The following CD96 variants were observed in gnomAD, a reference collection of about 807,000 sequenced individuals.
The protein encoded by CD96 is CD96 molecule, also known as T-cell surface protein tactile.
CD96 carries 70 observed loss-of-function variants against 71.3 expected under a neutral mutation model. The ratio of observed to expected loss-of-function variants is 0.98; its 90% CI spans 0.81 to 1.20. The LOEUF is 1.20. Ranked by LOEUF, CD96 falls within the 50% of genes most tolerant of loss-of-function variation. The pLI, the probability that CD96 is intolerant of heterozygous loss-of-function variation, is 0.00. For synonymous variants in CD96, 248 were observed against 233.0 expected, an observed-to-expected ratio of 1.06 and a Z score of -0.59; for missense variants, 742 against 677.5, an observed-to-expected ratio of 1.10 and a Z score of -1.06.
chr3:111,566,426 C>T (rs1287093394), intron 2 of CD96, among the ~76,000 whole-genome samples: 2 of 152,078 alleles, frequency 1.3e-5, no homozygotes, highest in Non-Finnish European at 2.9e-5. Context: ...GATAAAATGA[C>T]ATGAAGCCCC....
chr3:111,649,004 G>A (rs964586820), intron 13 of CD96, among the ~76,000 whole-genome samples: 1 of 152,148 alleles, frequency 6.6e-6, no homozygotes, highest in Non-Finnish European at 1.5e-5. Flanking sequence ...AAACAAAAGG[G>A]ATTTAGGCAT....
intron 10 of CD96, among the ~76,000 whole-genome samples, chr3:111,628,498 A>G (rs2107726595): frequency 6.6e-6 from 1 of 152,338 alleles, no homozygotes; most frequent in South Asian, 2.1e-4. Flanking sequence ...AAAAAAATGA[A>G]CAAAACATTT....
intron 5 of CD96, among the ~76,000 whole-genome samples, chr3:111,592,595 TTTC>T (rs1285737165): frequency 2.0e-5 from 3 of 152,298 alleles, no homozygotes; most frequent in South Asian, 4.1e-4. Context: ...CATCTTTGCA[TTTC>T]TTCTCTATCC....
In CD96 at chr3:111,593,689, C is replaced by G. The variant is rs776869952; in HGVS notation, c.808-4431C>G. Reference sequence around the variant, plus strand: ...CTCGCTCCCTTTTTTCCACAGCCCTCTCCCGCCATTCCACTGCCCTTTCCC... The same window carrying G: ...CTCGCTCCCTTTTTTCCACAGCCCTGTCCCGCCATTCCACTGCCCTTTCCC... On this transcript the variant is annotated intron_variant, in intron 5 of 13. Coordinates refer to ENST00000352690, the MANE Select transcript of CD96 (RefSeq NM_005816.5). 6.8e-6 allele frequency: 11 copies of G among 1,613,602 alleles called. No homozygotes were observed. The highest frequency in any genetic ancestry group is 9.3e-6 in the Non-Finnish European group (11 of 1,179,696).
chr3:111,658,058 A>C (rs939661873), intron 14 of CD96, among the ~76,000 whole-genome samples: 1 of 152,236 alleles, frequency 6.6e-6, no homozygotes, highest in African/African-American at 2.4e-5. Flanking sequence ...TCTTCAGTAT[A>C]ATTTCCTGCT....
At chr3:111,560,193 A>G (rs1935313012) in intron 2 of CD96, among the ~76,000 whole-genome samples, 1 of 151,756 alleles carries the variant, frequency 6.6e-6, no homozygotes, top group African/African-American at 2.4e-5. Flanking sequence ...TAATTGGAGA[A>G]TTTAGTCCAT....
intron 3 of CD96, among the ~76,000 whole-genome samples, chr3:111,568,332 T>C (rs1935820967): frequency 6.6e-6 from 1 of 152,152 alleles, no homozygotes. Context: ...GTCTATTATT[T>C]TGATGTTAGA....
At chr3:111,626,032 A>G (rs1479620304) in intron 10 of CD96, among the ~76,000 whole-genome samples, 1 of 152,144 alleles carries the variant, frequency 6.6e-6, no homozygotes, top group Non-Finnish European at 1.5e-5. Context: ...GGCCGGGTGC[A>G]GTGGCTCACG....
intron 12 of CD96, among the ~76,000 whole-genome samples, chr3:111,646,540 TAAA>T (rs60291711): frequency 7.6e-6 from 1 of 132,314 alleles, no homozygotes. Flanking sequence ...TACTGAAAAG[TAAA>T]AAAAAAAAAA....
At chr3:111,633,394 G>C (rs1394904821) in intron 10 of CD96, among the ~76,000 whole-genome samples, 1 of 152,108 alleles carries the variant, frequency 6.6e-6, no homozygotes, top group Non-Finnish European at 1.5e-5. Flanking sequence ...TTGGAATATT[G>C]CAAGAATTAC....
At chr3:111,609,708 G>A (rs1937809239) in intron 8 of CD96, among the ~76,000 whole-genome samples, 1 of 152,164 alleles carries the variant, frequency 6.6e-6, no homozygotes, top group South Asian at 2.1e-4. Context: ...AAAAGCAGGG[G>A]GGAAAAATGC....
intron 5 of CD96, chr3:111,593,410 C>T (rs930041384): frequency 9.0e-7 from 1 of 1,107,736 alleles, no homozygotes; most frequent in African/African-American, 1.6e-5. Flanking sequence ...CTCAGATTAA[C>T]TCATACTGTG....
chr3:111,597,462 G>A (rs1460691762), intron 5 of CD96, among the ~76,000 whole-genome samples: 1 of 152,106 alleles, frequency 6.6e-6, no homozygotes, highest in Non-Finnish European at 1.5e-5. Context: ...TGAGATTAAG[G>A]AGACATGGTT....
At position 111,659,985 on chromosome 3, in the gene CD96, C is replaced by A. The variant is rs544685204; in HGVS notation, c.*53-5542C>A. On this transcript the variant is annotated intron_variant and NMD_transcript_variant, in intron 14 of 14. Transcript: ENST00000494798. The stretch of plus-strand genomic sequence containing the variant: ...CTGAAACAAGACAAGTATGTCCATT[C>A]TCACCACTCCTGTTATACATAGTGC... Among the ~76,000 whole-genome samples the A allele has an allele frequency of 1.0e-3, 155 of 152,330 alleles. 1 individual carries two copies. The highest frequency in any genetic ancestry group is 3.6e-3 in the African/African-American group (148 of 41,568).
At chr3:111,594,054 T>C in intron 5 of CD96, 1 of 1,614,124 alleles carries the variant, frequency 6.2e-7, no homozygotes, top group Non-Finnish European at 8.5e-7. Flanking sequence ...CGGGTGCCCT[T>C]GTTGTGGGGC....
chr3:111,598,681 C>T (rs1421787862), intron 6 of CD96, among the ~76,000 whole-genome samples: 1 of 152,138 alleles, frequency 6.6e-6, no homozygotes, highest in Non-Finnish European at 1.5e-5. Flanking sequence ...TGGTGGAGCA[C>T]TAGAGAAAGC....
intron 10 of CD96, chr3:111,635,007 A>G (rs1235416545): frequency 1.3e-5 from 2 of 153,290 alleles, no homozygotes; most frequent in South Asian, 2.1e-4. Context: ...AGATCCCTAA[A>G]TGATAGAGTG....
intron 5 of CD96, among the ~76,000 whole-genome samples, chr3:111,592,230 C>A (rs1387198120): frequency 6.6e-6 from 1 of 152,168 alleles, no homozygotes; most frequent in Non-Finnish European, 1.5e-5. Flanking sequence ...TGATTTTATT[C>A]TATTTCTAAA....
intron 2 of CD96, among the ~76,000 whole-genome samples, chr3:111,550,558 TACTC>T (rs916388555): frequency 2.0e-5 from 3 of 151,660 alleles, no homozygotes; most frequent in Non-Finnish European, 4.4e-5. Context: ...GGGACAATGA[TACTC>T]ACAACACAAG....
Sources: gnomAD v4.1 joint callset for allele counts (sites outside exome capture counted in the v4.1 genomes callset) on GRCh38, gnomAD v4.1.1 for gene constraint, MANE v1.5 for transcripts, NCBI Gene and HGNC (gene_info 2026-07-23, HGNC 2026-07-21) for gene names.